The following ANKRD44 variants were observed in gnomAD, a reference collection of about 807,000 sequenced individuals.
ANKRD44 encodes the protein serine/threonine-protein phosphatase 6 regulatory ankyrin repeat subunit B.
Under a neutral mutation model 116.0 loss-of-function variants are expected in ANKRD44, and 35 were observed. The observed-to-expected ratio is 0.30, with a 90% CI of 0.23 to 0.40. The LOEUF (loss-of-function observed/expected upper bound fraction) is 0.40, where lower values mean the gene tolerates loss of function less well. Among genes scored for constraint, ANKRD44 ranks in the 10% least tolerant of loss-of-function variants. The pLI is 1.00. For synonymous variants in ANKRD44, 435 were observed against 461.8 expected (o/e 0.94, Z 0.74); for missense variants, 1,014 against 1,242.6 (o/e 0.82, Z 2.77).
chr2:197,158,068 C>T (rs2079865651), intron 2 of ANKRD44, among the ~76,000 whole-genome samples: 1 of 152,132 alleles, frequency 6.6e-6, no homozygotes, highest in Non-Finnish European at 1.5e-5. Flanking sequence ...TCCTTAAGTC[C>T]CACAGAATGA....
In ANKRD44 at chr2:197,225,415, C is replaced by T. The variant is rs571358095; in HGVS notation, c.28-38309G>A. Among the ~76,000 whole-genome samples the T allele has an allele frequency of 9.8e-5, 15 of 152,334 alleles. No homozygotes were observed. The South Asian group carries it at 1.4e-3, about 15-fold the overall frequency. Reference sequence around the variant, plus strand: ...CTGGAGTGCAGTGGCGCAATCTCAGCTTACTGCAACCTCCACCTCCCAGGT... The same window carrying T: ...CTGGAGTGCAGTGGCGCAATCTCAGTTTACTGCAACCTCCACCTCCCAGGT... On this transcript the variant is annotated intron_variant, in intron 1 of 27. Coordinates refer to ENST00000282272, the MANE Select transcript of ANKRD44 (RefSeq NM_001195144.2).
intron 1 of ANKRD44, among the ~76,000 whole-genome samples, chr2:197,259,461 C>T (rs540828249): frequency 1.5e-4 from 23 of 152,194 alleles, no homozygotes; most frequent in Non-Finnish European, 3.4e-4. Flanking sequence ...TAAATTCCCC[C>T]GATCTAGGTT....
At chr2:197,194,785 A>G (rs2125633787) in intron 1 of ANKRD44, among the ~76,000 whole-genome samples, 1 of 152,338 alleles carries the variant, frequency 6.6e-6, no homozygotes, top group East Asian at 1.9e-4. Context: ...AATGGCTAAC[A>G]ATAAAATAAT....
rs116824602 is a variant in ANKRD44 at position 197,253,684 on chromosome 2, G to T, written c.27+56894C>A. 3.0e-3 allele frequency among the ~76,000 whole-genome samples: 464 copies of T among 152,322 alleles called. 6 individuals are homozygous for T. Among genetic ancestry groups the T allele is most frequent in the African/African-American group, 0.011 (440 of 41,566 alleles). ...CTCTCCAAGATATTCCCATGTAGGT[G>T]TTTAAATCACAGAAAAGTACTTCTG... On this transcript the variant is annotated intron_variant, in intron 1 of 27. Transcript: ENST00000282272.
At chr2:197,014,799 C>A (rs1445266247) in intron 17 of ANKRD44, among the ~76,000 whole-genome samples, 15 of 150,742 alleles carry the variant, frequency 1.0e-4, no homozygotes, top group African/African-American at 3.7e-4. Context: ...AAAAAAACAA[C>A]AAAAAATGAT....
chr2:196,975,866 GAGAA>G lies in ANKRD44; in HGVS notation c.2369-8424_2369-8421del, dbSNP rs775717926. On this transcript the variant is annotated intron_variant, in intron 21 of 21. Transcript: ENST00000424317. Reference sequence around the variant, plus strand: ...GAAGGAAAGAAGGAAAGAAAGAAAAGAGAAAGAAAGACACATCAAGAAAAGAAAT... The same window carrying G: ...GAAGGAAAGAAGGAAAGAAAGAAAAGAGAAAGACACATCAAGAAAAGAAAT... 1.4e-3 allele frequency among the ~76,000 whole-genome samples: 207 copies of G among 148,786 alleles called. 4 individuals are homozygous for G. In the East Asian group the frequency reaches 0.02, roughly 14 times the overall value.
rs975869554 is a variant in ANKRD44 at position 197,110,693 on chromosome 2, T to C, written c.985+73A>G. The C allele has an allele frequency of 2.6e-5, 32 of 1,220,410 alleles. No individual in the cohort carries two copies. In the Admixed American group the frequency reaches 5.2e-4, roughly 20 times the overall value. 75.6% of individuals were successfully genotyped at this position (1,220,410 alleles called of 1,614,324 possible). A position where few individuals can be genotyped will look rare whatever the true frequency, so the allele number is the denominator to read the frequency against. ...CCAAAACAGGGCATCGACTTTCATA[T>C]GCAGGTGACTGACAGCCAAATTCAC... On this transcript the variant is annotated intron_variant, in intron 9 of 27. Transcript: ENST00000282272.
intron 1 of ANKRD44, among the ~76,000 whole-genome samples, chr2:197,193,301 T>C (rs1266896788): frequency 3.3e-5 from 5 of 152,204 alleles, no homozygotes; most frequent in South Asian, 2.1e-4. Flanking sequence ...CCTCACCCGA[T>C]GGCCAACCCA....
At chr2:197,268,024 G>T (rs1005198524) in intron 1 of ANKRD44, among the ~76,000 whole-genome samples, 2 of 152,220 alleles carry the variant, frequency 1.3e-5, no homozygotes, top group Non-Finnish European at 2.9e-5. Flanking sequence ...GGATCTCCAG[G>T]AAGGAGCCAA....
intron 1 of ANKRD44, among the ~76,000 whole-genome samples, chr2:197,306,374 T>C (rs10153881): frequency 0.33 from 50,413 of 151,988 alleles, 8,755 homozygotes; most frequent in East Asian, 0.47. Context: ...ATCCATAAAA[T>C]AGAAATCACA....
chr2:197,099,189 A>G (rs1210794698), intron 10 of ANKRD44, among the ~76,000 whole-genome samples: 1 of 152,068 alleles, frequency 6.6e-6, no homozygotes, highest in Non-Finnish European at 1.5e-5. Flanking sequence ...GTCTACACCA[A>G]ACATTTGCCA....
rs187746816 is a variant in ANKRD44, at chr2:197,069,570, G to C, written c.1650+9133C>G. On this transcript the variant is annotated intron_variant, in intron 16 of 27. Coordinates refer to ENST00000282272, the MANE Select transcript of ANKRD44 (RefSeq NM_001195144.2). ...TCTGTTCCATTGTGCCTATCACTCT[G>C]CCAATACTTCAGTCTTGATTACTGG... Among the ~76,000 whole-genome samples, 56 of 152,156 alleles carry C rather than the reference G, an allele frequency of 3.7e-4. 1 individual carries two copies. Among genetic ancestry groups the C allele is most frequent in the Non-Finnish European group, 5.6e-4 (38 of 68,008 alleles).
In ANKRD44 at chr2:197,158,830, G is replaced by A. The variant is rs542201949; in HGVS notation, c.112-11725C>T. Among the ~76,000 whole-genome samples the A allele has an allele frequency of 4.6e-5, 7 of 152,238 alleles. No individual in the cohort carries two copies. The East Asian group carries it at 5.8e-4, about 13-fold the overall frequency. ...GGGGATCCACCATACGCCAAGCACCGTGCTCAGACCTGAAGATGCAGCAGC... is the reference window on the plus strand; with the variant it reads ...GGGGATCCACCATACGCCAAGCACCATGCTCAGACCTGAAGATGCAGCAGC... On this transcript the variant is annotated intron_variant, in intron 2 of 27. Transcript: ENST00000282272.
At chr2:196,989,910 C>T in intron 27 of ANKRD44, 1 of 1,147,322 alleles carries the variant, frequency 8.7e-7, no homozygotes, top group East Asian at 5.0e-5. Flanking sequence ...AGGGTAGTTT[C>T]ATACTATTTT....
intron 21 of ANKRD44, among the ~76,000 whole-genome samples, chr2:196,974,715 C>A (rs750835569): frequency 6.6e-6 from 1 of 151,808 alleles, no homozygotes; most frequent in Non-Finnish European, 1.5e-5. Context: ...CATGTTGAAA[C>A]CCTGTCTCTA....
chr2:197,116,941 A>G (rs1435844863), intron 8 of ANKRD44, among the ~76,000 whole-genome samples: 1 of 152,198 alleles, frequency 6.6e-6, no homozygotes, highest in Non-Finnish European at 1.5e-5. Flanking sequence ...AACATCAATA[A>G]TAACATCTAT....
intron 1 of ANKRD44, among the ~76,000 whole-genome samples, chr2:197,281,681 A>G (rs767958141): frequency 1.2e-4 from 19 of 152,194 alleles, no homozygotes; most frequent in Non-Finnish European, 2.2e-4. Context: ...CAGATAATGT[A>G]ATAAGGTGAC....
At chr2:197,053,959 G>C (rs1037636464) in intron 16 of ANKRD44, among the ~76,000 whole-genome samples, 2 of 152,132 alleles carry the variant, frequency 1.3e-5, no homozygotes, top group Non-Finnish European at 2.9e-5. Flanking sequence ...TTTATCAAAG[G>C]ACTTCTCACA....
chr2:197,031,124 A>T (rs1000907324), intron 16 of ANKRD44, among the ~76,000 whole-genome samples: 5 of 152,148 alleles, frequency 3.3e-5, no homozygotes, highest in African/African-American at 1.2e-4. Context: ...GTCAAGCGGA[A>T]AACACATTTT....
Sources: gnomAD v4.1 joint callset for allele counts (sites outside exome capture counted in the v4.1 genomes callset) on GRCh38, gnomAD v4.1.1 for gene constraint, MANE v1.5 for transcripts, NCBI Gene and HGNC (gene_info 2026-07-23, HGNC 2026-07-21) for gene names.